The following TRIM15 variants were observed in gnomAD, a reference collection of about 807,000 sequenced individuals.
TRIM15 encodes the protein tripartite motif containing 15.
In TRIM15, 35 loss-of-function variants were observed where a neutral mutation model predicts 35.8. That is an observed-to-expected ratio of 0.98 (90% CI 0.75 to 1.30). The LOEUF (loss-of-function observed/expected upper bound fraction) is 1.30, where lower values mean the gene tolerates loss of function less well. Among genes scored for constraint, TRIM15 ranks in the 50% most tolerant of loss-of-function variants. The probability of loss-of-function intolerance (pLI) is 0.00; values close to 1 mark genes in which losing one functional copy is unlikely to be tolerated. For missense variants in TRIM15, 590 were observed against 593.5 expected (o/e 0.99, Z 0.06); for synonymous variants, 252 against 249.8 (o/e 1.01, Z -0.08).
At chr6:30,168,680 G>A (rs1260866218) in intron 3 of TRIM15, 150 bp downstream of exon 3, 27 of 734,918 alleles carry the variant, frequency 3.7e-5, no homozygotes. Flanking sequence ...ACTTGCCCAA[G>A]TCATACACTG....
intron 4 of TRIM15, among the ~76,000 whole-genome samples, chr6:30,170,123 T>C (rs925945259): frequency 6.6e-6 from 1 of 152,178 alleles, no homozygotes. Flanking sequence ...TCTTCCCTTC[T>C]AGCCTCTTTT....
At chr6:30,169,084 A>T (rs1157982382) in intron 3 of TRIM15, among the ~76,000 whole-genome samples, 157 bp from the exon 4 acceptor site, 1 of 152,200 alleles carries the variant, frequency 6.6e-6, no homozygotes, top group African/African-American at 2.4e-5. Context: ...AGAAAACATG[A>T]TGTAAAAGAA....
intron 1 of TRIM15, among the ~76,000 whole-genome samples, chr6:30,166,811 G>A (rs889204544): frequency 6.6e-6 from 1 of 152,116 alleles, no homozygotes; most frequent in African/African-American, 2.4e-5. Context: ...CCTTGAAGAG[G>A]TCCTTCACAT....
At position 30,172,199 on chromosome 6, in the gene TRIM15, A is replaced by G; in HGVS notation, c.1248A>G (p.Arg416=). The change falls in exon 7 of 7, where the codon AGA becomes AGG. Residue 416 remains arginine (R), a synonymous_variant. Transcript: ENST00000376694. ...TGAGCGAGATCCCGCGCGGCGTGAG[A>G]GTCGCCCTGGACTACGAGGCGGGGC... ...LPLSEIPRGV[R]VALDYEAGQV... 1.2e-6 allele frequency: 2 copies of G among 1,610,532 alleles called. No homozygotes were observed. Among genetic ancestry groups the G allele is most frequent in the Non-Finnish European group, 1.7e-6 (2 of 1,178,988 alleles).
chr6:30,171,728 G>C (rs1188976463), intron 6 of TRIM15, 104 bp from the exon 7 acceptor site: 2 of 1,392,116 alleles, frequency 1.4e-6, no homozygotes, highest in Non-Finnish European at 1.9e-6. Context: ...CCAATGGCAG[G>C]CTGCCCAAGT....
At chr6:30,171,766 GT>G in intron 6 of TRIM15, 65 bp from the exon 7 acceptor site, 1 of 1,445,042 alleles carries the variant, frequency 6.9e-7, no homozygotes, top group Non-Finnish European at 9.1e-7. Flanking sequence ...TCCCACGTGC[GT>G]TGCCTGCTCT....
chr6:30,171,979 G>A lies in TRIM15; in HGVS notation c.1028G>A (p.Gly343Asp), dbSNP rs1286640453. The A allele has an allele frequency of 6.3e-7, 1 of 1,587,602 alleles. No homozygotes were observed. The highest frequency in any genetic ancestry group is 1.3e-5 in the African/African-American group (1 of 74,558). The change falls in exon 7 of 7, where the codon GGC becomes GAC. Residue 343 changes from glycine (G) to aspartate (D), a missense_variant. Transcript: ENST00000376694. ...DGLPAVLGFP[G>D]FSSGRHRWQV... The stretch of plus-strand genomic sequence containing the variant: ...CTCCCGGCGGTTCTGGGCTTCCCGG[G>A]CTTCTCCTCCGGGCGCCACCGCTGG...
chr6:30,167,098 C>A, intron 1 of TRIM15, 78 bp from the exon 2 acceptor site: 5 of 1,324,792 alleles, frequency 3.8e-6, no homozygotes, highest in Non-Finnish European at 5.4e-6. Context: ...CAACAGTGTG[C>A]CCAGGATGTG....
intron 1 of TRIM15, 63 bp downstream of exon 1, chr6:30,164,128 G>A: frequency 6.5e-7 from 1 of 1,543,888 alleles, no homozygotes; most frequent in Non-Finnish European, 8.7e-7. Context: ...TATGAGGGGA[G>A]GAAATCGGGC....
rs746055835 is a variant in TRIM15, at chr6:30,163,993, G to A, written c.309G>A (p.Val103=). 4 of 1,613,146 alleles carry A rather than the reference G, an allele frequency of 2.5e-6. No homozygotes were observed. The highest frequency in any genetic ancestry group is 2.5e-6 in the Non-Finnish European group (3 of 1,180,034). ...FCENDAEFLC[V]FCREGPTHQA... ...AGAACGATGCCGAGTTCCTCTGTGT[G>A]TTCTGCAGGGAGGGTCCCACGCACC... Residue 103 remains valine (V), a synonymous_variant, in exon 1 of 7, where the codon GTG becomes GTA. Transcript: ENST00000376694.
rs1773394604 is a variant in TRIM15 at position 30,164,047 on chromosome 6, G to A, written c.363G>A (p.Glu121=). 6.2e-7 allele frequency: 1 copy of A among 1,612,300 alleles called. No individual in the cohort carries two copies. The highest frequency in any genetic ancestry group is 8.5e-7 in the Non-Finnish European group (1 of 1,179,554). The change falls in exon 1 of 7, where the codon GAG becomes GAA. Residue 121 remains glutamate, a synonymous_variant. Coordinates refer to ENST00000376694, the MANE Select transcript of TRIM15 (RefSeq NM_033229.3). ...CGCACACCGTGGGGTTCCTGGACGA[G>A]GCCATTCAGCCCTACCGGGTAAGAA... The part of the protein sequence containing the change: ...HQAHTVGFLD[E]AIQPYRDRLR...
In TRIM15 at chr6:30,171,993, C is replaced by A; in HGVS notation, c.1042C>A (p.Arg348Ser). Residue 348 changes from arginine (R) to serine (S), a missense_variant, in exon 7 of 7, where the codon CGC (arginine) becomes AGC (serine). Transcript: ENST00000376694. ...GGGCTTCCCGGGCTTCTCCTCCGGGCGCCACCGCTGGCAGGTTGACCTGCA... is the reference window on the plus strand; with the variant it reads ...GGGCTTCCCGGGCTTCTCCTCCGGGAGCCACCGCTGGCAGGTTGACCTGCA... Reference protein sequence around the residue: ...VLGFPGFSSGRHRWQVDLQLG... With the variant: ...VLGFPGFSSGSHRWQVDLQLG... The A allele has an allele frequency of 6.3e-7, 1 of 1,581,372 alleles. No individual in the cohort carries two copies. Among genetic ancestry groups the A allele is most frequent in the Non-Finnish European group, 8.6e-7 (1 of 1,163,266 alleles).
chr6:30,170,879 C>T (rs182709712), intron 5 of TRIM15, 97 bp from the exon 6 acceptor site: 1 of 1,389,858 alleles, frequency 7.2e-7, no homozygotes, highest in Non-Finnish European at 9.9e-7. Context: ...AGTCTTCTGT[C>T]CTCATCTTCA....
At chr6:30,165,577 C>T (rs1426388134) in intron 1 of TRIM15, among the ~76,000 whole-genome samples, 2 of 152,174 alleles carry the variant, frequency 1.3e-5, no homozygotes, top group Non-Finnish European at 2.9e-5. Flanking sequence ...GTGCATGTGT[C>T]TTTACAGTAG....
chr6:30,167,305 G>C, intron 2 of TRIM15, 34 bp downstream of exon 2: 1 of 1,576,126 alleles, frequency 6.3e-7, no homozygotes, highest in Non-Finnish European at 8.7e-7. Flanking sequence ...CTTTTCCTTT[G>C]AAGGTTTTCT....
Position 30,170,548 on chromosome 6 carries a change from T to A in TRIM15, c.779T>A (p.Leu260His). 6.2e-7 allele frequency: 1 copy of A among 1,614,128 alleles called. No individual in the cohort carries two copies. Reference sequence around the variant, plus strand: ...AGTCCTGAGGCCATTTCTCCTGACCTTGTCAAGAAGATCCGTGATTTCCAC... The same window carrying A: ...AGTCCTGAGGCCATTTCTCCTGACCATGTCAAGAAGATCCGTGATTTCCAC... ...FVSPEAISPDLVKKIRDFHRK... is the reference protein window; with the variant it reads ...FVSPEAISPDHVKKIRDFHRK... Residue 260 changes from leucine (L) to histidine (H), a missense_variant, in exon 5 of 7, where the codon CTT becomes CAT. Coordinates refer to ENST00000376694, the MANE Select transcript of TRIM15 (RefSeq NM_033229.3).
chr6:30,166,930 G>C (rs1773640910), intron 1 of TRIM15, among the ~76,000 whole-genome samples: 1 of 152,102 alleles, frequency 6.6e-6, no homozygotes, highest in African/African-American at 2.4e-5. Flanking sequence ...AGGCCTACAG[G>C]CAGAGCTGAC....
chr6:30,164,400 C>T (rs888034368), intron 1 of TRIM15, among the ~76,000 whole-genome samples: 2 of 152,072 alleles, frequency 1.3e-5, no homozygotes, highest in African/African-American at 2.4e-5. Context: ...AACTTGTTCT[C>T]CCAGGATCCA....
Position 30,171,965 on chromosome 6 carries a change from T to G in TRIM15, c.1014T>G (p.Val338=), listed in dbSNP as rs1388545657. 6.3e-7 allele frequency: 1 copy of G among 1,592,580 alleles called. No homozygotes were observed. The highest frequency in any genetic ancestry group is 8.6e-7 in the Non-Finnish European group (1 of 1,169,414). ...SPLRFDGLPA[V]LGFPGFSSGR... ...TGCGCTTCGACGGCCTCCCGGCGGT[T>G]CTGGGCTTCCCGGGCTTCTCCTCCG... The change falls in exon 7 of 7, where the codon GTT becomes GTG. Residue 338 remains valine (V), a synonymous_variant. Transcript: ENST00000376694.
Sources: gnomAD v4.1 joint callset for allele counts (sites outside exome capture counted in the v4.1 genomes callset) on GRCh38, gnomAD v4.1.1 for gene constraint, MANE v1.5 for transcripts, NCBI Gene and HGNC (gene_info 2026-07-23, HGNC 2026-07-21) for gene names.